Variants in DNAJC15 observed in about 807,000 individuals in gnomAD.
The protein encoded by DNAJC15 is dnaJ homolog subfamily C member 15.
A neutral mutation model predicts 22.4 loss-of-function variants in DNAJC15; 27 were observed. The ratio of observed to expected loss-of-function variants is 1.20; its 90% CI spans 0.89 to 1.66. DNAJC15 has a LOEUF of 1.66. Among genes scored for constraint, DNAJC15 ranks in the 40% most tolerant of loss-of-function variants. DNAJC15 has a pLI of 0.00. For synonymous variants in DNAJC15, 79 were observed against 63.2 expected, an observed-to-expected ratio of 1.25 and a Z score of -1.19; for missense variants, 208 against 187.1, an observed-to-expected ratio of 1.11 and a Z score of -0.65.
chr13:43,024,939 T>C (rs1191208913), intron 1 of DNAJC15, among the ~76,000 whole-genome samples: 2 of 132,556 alleles, frequency 1.5e-5, no homozygotes, highest in African/African-American at 5.7e-5. Flanking sequence ...TGTGAGCCTG[T>C]AGTCCTAGCT....
Position 43,112,205 on chromosome 13 carries a change from C to A in DNAJC15, c.*4957C>A, listed in dbSNP as rs2040828075. ...TCTTTCTTTTGTATTAAAAACCCTGCTCAATTGAAATGCAAGTTCATTAAG... is the reference window on the plus strand; with the variant it reads ...TCTTTCTTTTGTATTAAAAACCCTGATCAATTGAAATGCAAGTTCATTAAG... On this transcript the variant is annotated 3_prime_UTR_variant, in exon 6 of 6. Transcript: ENST00000379221. 1 of 152,216 alleles carries A rather than the reference C, an allele frequency of 6.6e-6. No homozygotes were observed. Among genetic ancestry groups the A allele is most frequent in the Admixed American group, 6.5e-5 (1 of 15,276 alleles). The allele number at this position is 152,216 out of a possible 1,614,324, so 9.4% of individuals were successfully genotyped here. A position where few individuals can be genotyped will look rare whatever the true frequency, so the allele number is the denominator to read the frequency against.
chr13:43,095,699 A>G (rs955867778), intron 5 of DNAJC15, among the ~76,000 whole-genome samples: 1 of 152,194 alleles, frequency 6.6e-6, no homozygotes, highest in Non-Finnish European at 1.5e-5. Context: ...GGAGAAAATG[A>G]TACCATAGAA....
intron 3 of DNAJC15, among the ~76,000 whole-genome samples, chr13:43,078,080 G>C (rs2040642738): frequency 1.3e-5 from 2 of 152,010 alleles, no homozygotes; most frequent in African/African-American, 2.4e-5. Flanking sequence ...CCACAGTCTG[G>C]TTCCCATTAT....
intron 4 of DNAJC15, among the ~76,000 whole-genome samples, chr13:43,084,433 G>A (rs1257733699): frequency 6.6e-6 from 1 of 152,096 alleles, no homozygotes; most frequent in Admixed American, 6.5e-5. Context: ...TACTTTCACA[G>A]CTAATAAGTA....
At chr13:43,046,112 ATTAG>A (rs1263651359) in intron 1 of DNAJC15, among the ~76,000 whole-genome samples, 1 of 152,040 alleles carries the variant, frequency 6.6e-6, no homozygotes, top group Non-Finnish European at 1.5e-5. Context: ...TGTTTAACAA[ATTAG>A]TTATTCTTTC....
At chr13:43,085,879 T>C in intron 5 of DNAJC15, 41 bp downstream of exon 5, 1 of 1,542,692 alleles carries the variant, frequency 6.5e-7, no homozygotes, top group Non-Finnish European at 8.9e-7. Flanking sequence ...TATATCAAAA[T>C]ATGCTGTGAA....
chr13:43,063,477 C>G (rs1306752755), intron 1 of DNAJC15, among the ~76,000 whole-genome samples: 2 of 152,136 alleles, frequency 1.3e-5, no homozygotes, highest in Non-Finnish European at 2.9e-5. Context: ...AAAACAAGTT[C>G]CACAAAGGCC....
At chr13:43,095,937 AGAG>A (rs898392691) in intron 5 of DNAJC15, among the ~76,000 whole-genome samples, 97 of 151,882 alleles carry the variant, frequency 6.4e-4, no homozygotes, top group African/African-American at 2.2e-3. Context: ...TTTGTGAGGA[AGAG>A]GAGGAGAGAA....
intron 5 of DNAJC15, among the ~76,000 whole-genome samples, chr13:43,091,988 A>G (rs573817760): frequency 1.3e-4 from 20 of 152,282 alleles, no homozygotes; most frequent in South Asian, 8.3e-4. Flanking sequence ...ACTCTATGCA[A>G]TGTTCTAGAT....
intron 5 of DNAJC15, among the ~76,000 whole-genome samples, chr13:43,103,321 CAATGAA>C (rs143161926): frequency 0.015 from 2,211 of 152,080 alleles, 53 homozygotes; most frequent in African/African-American, 0.048. Context: ...TTGTAAAATA[CAATGAA>C]AATGAAATTA....
At chr13:43,083,416 C>G (rs959554793) in intron 4 of DNAJC15, among the ~76,000 whole-genome samples, 1 of 152,164 alleles carries the variant, frequency 6.6e-6, no homozygotes, top group Non-Finnish European at 1.5e-5. Flanking sequence ...ATCTGCCCGC[C>G]TCAGCCTCCC....
At chr13:43,049,993 A>G (rs1593314312) in intron 1 of DNAJC15, among the ~76,000 whole-genome samples, 2 of 152,282 alleles carry the variant, frequency 1.3e-5, no homozygotes, top group South Asian at 4.1e-4. Flanking sequence ...TAATCGGCAC[A>G]CTGCAACTTC....
chr13:43,057,594 C>G (rs1221992671), intron 1 of DNAJC15, among the ~76,000 whole-genome samples: 1 of 152,166 alleles, frequency 6.6e-6, no homozygotes, highest in Non-Finnish European at 1.5e-5. Flanking sequence ...AAATCTTTAT[C>G]TGACAATTTA....
intron 2 of DNAJC15, among the ~76,000 whole-genome samples, chr13:43,068,001 A>G (rs2040591643): frequency 6.6e-6 from 1 of 152,118 alleles, no homozygotes; most frequent in African/African-American, 2.4e-5. Context: ...TCACTGTAAC[A>G]TGTTTGCACA....
chr13:43,066,476 T>C (rs1196276237), intron 2 of DNAJC15, among the ~76,000 whole-genome samples: 1 of 152,192 alleles, frequency 6.6e-6, no homozygotes, highest in Non-Finnish European at 1.5e-5. Context: ...TGGGCCCACC[T>C]GGATAATCAA....
At chr13:43,079,946 A>G (rs1012669793) in intron 4 of DNAJC15, among the ~76,000 whole-genome samples, 1 of 152,186 alleles carries the variant, frequency 6.6e-6, no homozygotes, top group African/African-American at 2.4e-5. Flanking sequence ...CCAGTTTAAC[A>G]CCTATTAAAT....
At chr13:43,100,218 T>TTC (rs890229686) in intron 5 of DNAJC15, among the ~76,000 whole-genome samples, 6 of 149,680 alleles carry the variant, frequency 4.0e-5, no homozygotes, top group Non-Finnish European at 5.9e-5. Context: ...TTTTTTTTTT[T>TTC]TTTTTTTGAA....
intron 5 of DNAJC15, among the ~76,000 whole-genome samples, chr13:43,091,091 TTTTTTA>T (rs1433890542): frequency 6.6e-6 from 1 of 152,082 alleles, no homozygotes; most frequent in African/African-American, 2.4e-5. Flanking sequence ...TATTTCTTTA[TTTTTTA>T]TTTTTGAGAC....
intron 1 of DNAJC15, among the ~76,000 whole-genome samples, chr13:43,047,628 C>T (rs1450096399): frequency 6.6e-6 from 1 of 151,924 alleles, no homozygotes; most frequent in Non-Finnish European, 1.5e-5. Flanking sequence ...GGAAATGGGC[C>T]CAAAGAGAAT....
Sources: allele counts gnomAD v4.1 joint callset (sites outside exome capture counted in the v4.1 genomes callset), GRCh38; gene constraint gnomAD v4.1.1; transcripts MANE v1.5; gene names NCBI Gene and HGNC (gene_info 2026-07-23, HGNC 2026-07-21).